The following ZMAT4 variants were observed in gnomAD, a reference collection of about 807,000 sequenced individuals.
ZMAT4 encodes the protein zinc finger matrin-type 4.
A neutral mutation model predicts 28.7 loss-of-function variants in ZMAT4; 17 were observed. The ratio of observed to expected loss-of-function variants is 0.59; its 90% CI spans 0.41 to 0.89. ZMAT4 has a LOEUF of 0.89. ZMAT4 is among the 40% of genes least tolerant of loss of function. The probability of loss-of-function intolerance (pLI) is 0.00; values close to 1 mark genes in which losing one functional copy is unlikely to be tolerated. For missense variants in ZMAT4, 240 were observed against 283.8 expected, an observed-to-expected ratio of 0.85 and a Z score of 1.11; for synonymous variants, 117 against 109.2, an observed-to-expected ratio of 1.07 and a Z score of -0.44.
chr8:40,856,377 A>G (rs189732484), intron 1 of ZMAT4, among the ~76,000 whole-genome samples: 83 of 152,334 alleles, frequency 5.4e-4, no homozygotes, highest in African/African-American at 1.9e-3. Context: ...AAAGGAAGAG[A>G]GAACTCCAGG....
intron 5 of ZMAT4, among the ~76,000 whole-genome samples, chr8:40,668,914 T>C (rs1244031713): frequency 6.6e-6 from 1 of 151,654 alleles, no homozygotes; most frequent in Non-Finnish European, 1.5e-5. Context: ...TGCCCTTGAC[T>C]ACCCAGAACA....
At chr8:40,788,764 C>T (rs72641533) in intron 2 of ZMAT4, among the ~76,000 whole-genome samples, 61,251 of 142,334 alleles carry the variant, frequency 0.43, 12,855 homozygotes, top group Middle Eastern at 0.51. Flanking sequence ...AAGGACATTA[C>T]AAGGAAAAAA....
chr8:40,811,856 C>T (rs1318521909), intron 2 of ZMAT4, among the ~76,000 whole-genome samples: 1 of 152,132 alleles, frequency 6.6e-6, no homozygotes, highest in Admixed American at 6.5e-5. Flanking sequence ...CCGGACCAGG[C>T]ACAGTGGCTC....
intron 3 of ZMAT4, among the ~76,000 whole-genome samples, chr8:40,761,950 C>T (rs1216435397): frequency 6.6e-6 from 1 of 152,170 alleles, no homozygotes; most frequent in East Asian, 1.9e-4. Flanking sequence ...AGTTGTGAAA[C>T]TCATGCGTAG....
chr8:40,534,787 A>G (rs1399871857), intron 6 of ZMAT4, among the ~76,000 whole-genome samples: 1 of 148,948 alleles, frequency 6.7e-6, no homozygotes, highest in Non-Finnish European at 1.5e-5. Flanking sequence ...GGTTCAAGCA[A>G]TTCTCCTGCT....
chr8:40,767,976 T>C (rs1383363594), intron 2 of ZMAT4, among the ~76,000 whole-genome samples: 1 of 152,206 alleles, frequency 6.6e-6, no homozygotes, highest in Non-Finnish European at 1.5e-5. Context: ...TGAAATCATG[T>C]AGCCTAGGGT....
chr8:40,532,735 T>C (rs746156802), intron 6 of ZMAT4, among the ~76,000 whole-genome samples: 9 of 152,206 alleles, frequency 5.9e-5, no homozygotes, highest in South Asian at 2.1e-4. Context: ...CAGTGGCTCA[T>C]GCCTGTAATC....
intron 5 of ZMAT4, among the ~76,000 whole-genome samples, chr8:40,641,977 T>C (rs902755946): frequency 6.6e-6 from 1 of 152,110 alleles, no homozygotes; most frequent in Non-Finnish European, 1.5e-5. Flanking sequence ...TCATTTCCTC[T>C]CTCTAAAATG....
chr8:40,598,359 C>T (rs1287585286), intron 5 of ZMAT4, among the ~76,000 whole-genome samples: 6 of 152,132 alleles, frequency 3.9e-5, no homozygotes, highest in African/African-American at 1.2e-4. Flanking sequence ...GCTCTCGCTT[C>T]CCTCACCCCC....
chr8:40,672,548 A>C (rs1340197266), intron 5 of ZMAT4, among the ~76,000 whole-genome samples: 1 of 152,200 alleles, frequency 6.6e-6, no homozygotes, highest in Non-Finnish European at 1.5e-5. Context: ...CTTCTGTATG[A>C]AAGACAAGCT....
chr8:40,814,946 A>G (rs1815471420), intron 2 of ZMAT4, among the ~76,000 whole-genome samples: 1 of 152,350 alleles, frequency 6.6e-6, no homozygotes, highest in African/African-American at 2.4e-5. Context: ...ATCTAATACA[A>G]TCAGATAAAA....
At chr8:40,646,073 C>A (rs963647658) in intron 5 of ZMAT4, among the ~76,000 whole-genome samples, 1 of 151,712 alleles carries the variant, frequency 6.6e-6, no homozygotes, top group African/African-American at 2.4e-5. Flanking sequence ...TATTATAAAC[C>A]ATTAATATAT....
intron 4 of ZMAT4, among the ~76,000 whole-genome samples, chr8:40,692,059 CACTTA>C (rs1190018670): frequency 6.6e-6 from 1 of 152,134 alleles, no homozygotes; most frequent in Non-Finnish European, 1.5e-5. Flanking sequence ...AAACTATAGA[CACTTA>C]ACTGCCTATT....
chr8:40,591,830 C>T (rs1585727274), intron 5 of ZMAT4, among the ~76,000 whole-genome samples: 2 of 152,010 alleles, frequency 1.3e-5, no homozygotes, highest in Admixed American at 6.6e-5. Context: ...AACCACCTTA[C>T]GAATACTATG....
intron 2 of ZMAT4, among the ~76,000 whole-genome samples, chr8:40,774,803 A>T (rs887504071): frequency 6.6e-6 from 1 of 152,128 alleles, no homozygotes; most frequent in Non-Finnish European, 1.5e-5. Context: ...AATGTACAAA[A>T]GGATTAGCAT....
intron 3 of ZMAT4, among the ~76,000 whole-genome samples, chr8:40,741,470 C>T (rs1161501464): frequency 6.7e-6 from 1 of 148,508 alleles, no homozygotes; most frequent in South Asian, 2.1e-4. Context: ...AAGACATAAA[C>T]GTAGGAAACG....
chr8:40,766,378 C>A (rs1813160575), intron 3 of ZMAT4, among the ~76,000 whole-genome samples: 1 of 152,138 alleles, frequency 6.6e-6, no homozygotes, highest in South Asian at 2.1e-4. Context: ...TCCTATCTAC[C>A]ACTTCATTTA....
chr8:40,843,693 A>T (rs1490542935), intron 1 of ZMAT4, among the ~76,000 whole-genome samples: 1 of 152,196 alleles, frequency 6.6e-6, no homozygotes, highest in East Asian at 1.9e-4. Flanking sequence ...TAGCTCTAGG[A>T]TCTCAAGGAG....
At chr8:40,721,276 A>G (rs926814146) in intron 3 of ZMAT4, among the ~76,000 whole-genome samples, 5 of 140,292 alleles carry the variant, frequency 3.6e-5, no homozygotes, top group African/African-American at 1.1e-4. Context: ...ATGATTTCCA[A>G]TTTCATCCAT....
Sources: gnomAD v4.1 joint callset for allele counts (sites outside exome capture counted in the v4.1 genomes callset) on GRCh38, gnomAD v4.1.1 for gene constraint, MANE v1.5 for transcripts, NCBI Gene and HGNC (gene_info 2026-07-23, HGNC 2026-07-21) for gene names.